The following PPP1R9A variants were observed in gnomAD, a reference collection of about 807,000 sequenced individuals.
PPP1R9A encodes the protein neurabin-1.
A neutral mutation model predicts 141.9 loss-of-function variants in PPP1R9A; 59 were observed. The observed-to-expected ratio is 0.42, with a 90% confidence interval of 0.34 to 0.52. PPP1R9A has a LOEUF of 0.52. Among genes scored for constraint, PPP1R9A ranks in the 20% least tolerant of loss-of-function variants. The pLI is 0.10. For synonymous variants in PPP1R9A, 500 were observed against 569.7 expected (o/e 0.88, Z 1.74); for missense variants, 1,444 against 1,611.9 (o/e 0.90, Z 1.78).
chr7:95,270,458 A>AT (rs1435627982), intron 14 of PPP1R9A, among the ~76,000 whole-genome samples: 3 of 152,086 alleles, frequency 2.0e-5, no homozygotes, highest in South Asian at 2.1e-4. Context: ...TTTACAAATC[A>AT]TTTTTTTTCA....
intron 2 of PPP1R9A, among the ~76,000 whole-genome samples, chr7:95,055,010 T>C (rs571768853): frequency 2.9e-4 from 44 of 152,292 alleles, no homozygotes; most frequent in South Asian, 8.3e-4. Flanking sequence ...AACAAAGTTA[T>C]TTTAGGAAAA....
At chr7:95,223,782 A>G (rs911618859) in intron 7 of PPP1R9A, among the ~76,000 whole-genome samples, 1 of 152,032 alleles carries the variant, frequency 6.6e-6, no homozygotes, top group African/African-American at 2.4e-5. Context: ...TTAAGCCTTC[A>G]TAATAAAGGC....
intron 4 of PPP1R9A, among the ~76,000 whole-genome samples, chr7:95,148,063 G>A (rs978479684): frequency 6.6e-6 from 1 of 151,984 alleles, no homozygotes; most frequent in African/African-American, 2.4e-5. Flanking sequence ...AGCGCTTTGA[G>A]GGAAATTCAT....
At chr7:95,260,676 C>CAA (rs5885903) in intron 12 of PPP1R9A, among the ~76,000 whole-genome samples, 12 of 119,184 alleles carry the variant, frequency 1.0e-4, no homozygotes, top group African/African-American at 1.2e-4. Flanking sequence ...GACTCTGACT[C>CAA]AAAAAAAAAA....
chr7:95,284,373 G>A (rs1804882371), intron 17 of PPP1R9A, 43 bp downstream of exon 17: 5 of 1,372,244 alleles, frequency 3.6e-6, no homozygotes, highest in Non-Finnish European at 4.8e-6. Flanking sequence ...TTCTTATGTG[G>A]GGAAAAGAAA....
chr7:94,937,332 G>C (rs1346352086), intron 2 of PPP1R9A, among the ~76,000 whole-genome samples: 1 of 152,014 alleles, frequency 6.6e-6, no homozygotes, highest in African/African-American at 2.4e-5. Context: ...AGTTCCTAGG[G>C]GACACAGATT....
intron 10 of PPP1R9A, 74 bp downstream of exon 10, chr7:95,250,329 T>A (rs1397008890): frequency 7.8e-7 from 1 of 1,287,086 alleles, no homozygotes; most frequent in Non-Finnish European, 1.1e-6. Flanking sequence ...TTTTGTAATA[T>A]CTAGTGGAAC....
chr7:94,937,815 A>G (rs900604160), intron 2 of PPP1R9A, among the ~76,000 whole-genome samples: 1 of 152,074 alleles, frequency 6.6e-6, no homozygotes, highest in Non-Finnish European at 1.5e-5. Flanking sequence ...TTTATGGGAG[A>G]TCCAGTTTTT....
At chr7:95,163,774 C>G (rs1830773200) in intron 5 of PPP1R9A, among the ~76,000 whole-genome samples, 3 of 151,994 alleles carry the variant, frequency 2.0e-5, no homozygotes, top group Non-Finnish European at 4.4e-5. Flanking sequence ...GAGTCTTGCT[C>G]TGTCACCCAG....
chr7:94,926,261 G>C (rs1245659401), intron 2 of PPP1R9A, among the ~76,000 whole-genome samples: 1 of 152,194 alleles, frequency 6.6e-6, no homozygotes, highest in Non-Finnish European at 1.5e-5. Flanking sequence ...TGCTGAAGCT[G>C]TTGTGCTCTC....
chr7:95,232,809 C>T (rs142833242), intron 8 of PPP1R9A, among the ~76,000 whole-genome samples: 484 of 152,134 alleles, frequency 3.2e-3, no homozygotes, highest in Middle Eastern at 6.8e-3. Context: ...TGAATCAAAA[C>T]GACAATGAGA....
intron 4 of PPP1R9A, among the ~76,000 whole-genome samples, chr7:95,133,513 T>TAATATA (rs1825038655): frequency 7.5e-6 from 1 of 132,686 alleles, no homozygotes; most frequent in Non-Finnish European, 1.6e-5. Context: ...TGCAGTCGTA[T>TAATATA]TATATATATA....
intron 2 of PPP1R9A, among the ~76,000 whole-genome samples, chr7:94,952,804 C>G (rs1209964704): frequency 6.7e-6 from 1 of 149,706 alleles, no homozygotes; most frequent in East Asian, 2.4e-4. Flanking sequence ...ATGGAGTTGT[C>G]TGTTTTTTTT....
chr7:95,093,713 T>C (rs1410305428), intron 2 of PPP1R9A, among the ~76,000 whole-genome samples: 2 of 152,230 alleles, frequency 1.3e-5, no homozygotes, highest in African/African-American at 2.4e-5. Context: ...CAAATGTTCC[T>C]TTTTTGGTAA....
At chr7:95,072,982 A>ATATTAT (rs111569228) in intron 2 of PPP1R9A, among the ~76,000 whole-genome samples, 2,307 of 131,692 alleles carry the variant, frequency 0.018, 72 homozygotes, top group African/African-American at 0.063. Context: ...TATAATAATA[A>ATATTAT]TATTATTATT....
At chr7:95,113,152 C>T (rs975113167) in intron 3 of PPP1R9A, among the ~76,000 whole-genome samples, 14 of 151,932 alleles carry the variant, frequency 9.2e-5, no homozygotes, top group Admixed American at 2.0e-4. Flanking sequence ...AAAATTTCAC[C>T]GGAAGAATTG....
intron 1 of PPP1R9A, 166 bp downstream of exon 1, chr7:94,907,868 G>A (rs888121504): frequency 3.4e-5 from 5 of 148,948 alleles, no homozygotes; most frequent in Non-Finnish European, 6.0e-5. Flanking sequence ...GTCGCTGCTC[G>A]GGCCGCCGCC....
At chr7:94,964,807 G>T (rs1242665774) in intron 2 of PPP1R9A, among the ~76,000 whole-genome samples, 2 of 152,130 alleles carry the variant, frequency 1.3e-5, no homozygotes, top group African/African-American at 2.4e-5. Flanking sequence ...GTGTGCATGT[G>T]TCTTTTTAGT....
chr7:95,108,529 C>A (rs866363788), intron 2 of PPP1R9A, among the ~76,000 whole-genome samples: 7 of 151,840 alleles, frequency 4.6e-5, no homozygotes, highest in Non-Finnish European at 4.4e-5. Context: ...CGAGGACAGT[C>A]TGGATCTCCT....
Sources: gnomAD v4.1 joint callset for allele counts (sites outside exome capture counted in the v4.1 genomes callset) on GRCh38, gnomAD v4.1.1 for gene constraint, MANE v1.5 for transcripts, NCBI Gene and HGNC (gene_info 2026-07-23, HGNC 2026-07-21) for gene names.